Variants in KIF17 observed in about 807,000 individuals in gnomAD.
KIF17 encodes kinesin family member 17, also known as kinesin-like protein KIF17.
A neutral mutation model predicts 96.8 loss-of-function variants in KIF17; 80 were observed. The observed-to-expected ratio is 0.83, with a 90% CI of 0.69 to 1.00. The LOEUF is 1.00. Ranked by LOEUF, KIF17 falls within the 50% of genes least tolerant of loss-of-function variation. KIF17 has a pLI of 0.00. For missense variants in KIF17, 1,280 were observed against 1,372.9 expected (o/e 0.93, Z 1.07); for synonymous variants, 567 against 587.5 (o/e 0.97, Z 0.51).
intron 2 of KIF17, 100 bp downstream of exon 2, chr1:20,715,393 G>A: frequency 6.7e-7 from 1 of 1,497,428 alleles, no homozygotes; most frequent in Non-Finnish European, 9.2e-7. Flanking sequence ...CACGGGTCAG[G>A]CCGGGCTCCA....
intron 6 of KIF17, among the ~76,000 whole-genome samples, chr1:20,697,250 C>A (rs1158251458): frequency 6.6e-6 from 1 of 152,186 alleles, no homozygotes; most frequent in Non-Finnish European, 1.5e-5. Context: ...ACATCCAGGC[C>A]TAGCCCCGGG....
chr1:20,697,753 T>TG (rs934041776), intron 6 of KIF17, among the ~76,000 whole-genome samples: 7 of 151,676 alleles, frequency 4.6e-5, no homozygotes, highest in African/African-American at 1.7e-4. Context: ...AAGGCAGGAG[T>TG]GGGGGGGCCC....
rs772168049 is a variant in KIF17 at position 20,704,813 on chromosome 1, T to C, written c.757A>G (p.Thr253Ala). ...GTGGCCTCCTTGAGCCGCTCGCCCG[T>C]GGCCCCGGTCTTGGACTGCCGCTCG... is the stretch of plus-strand genomic sequence containing the variant. ...GSERQSKTGA[T>A]GERLKEATKI... The change falls in exon 5 of 15, where the codon ACG becomes GCG. Residue 253 changes from threonine (T) to alanine (A), a missense_variant. By Grantham distance (58) the Thr-to-Ala change is moderately conservative. Coordinates refer to ENST00000400463, the MANE Select transcript of KIF17 (RefSeq NM_001122819.3). This position sits in a 1 kb window ranked among gnomAD's most constrained non-coding sequence, Gnocchi z 6.8. 1 of 1,607,892 alleles carries C rather than the reference T, an allele frequency of 6.2e-7. No individual in the cohort carries two copies. Among genetic ancestry groups the C allele is most frequent in the Non-Finnish European group, 8.5e-7 (1 of 1,179,820 alleles).
At chr1:20,676,073 C>T (rs1020006497) in intron 11 of KIF17, among the ~76,000 whole-genome samples, 3 of 152,052 alleles carry the variant, frequency 2.0e-5, no homozygotes, top group African/African-American at 7.2e-5. Context: ...CGAAGCAGCT[C>T]CTCACACATG....
intron 4 of KIF17, among the ~76,000 whole-genome samples, chr1:20,706,888 C>CAAAA (rs113547608): frequency 2.1e-5 from 3 of 144,786 alleles, no homozygotes; most frequent in African/African-American, 7.7e-5. Flanking sequence ...AATCCTGTCT[C>CAAAA]AAAAAAAAAA....
chr1:20,712,997 A>G (rs1341112431), intron 3 of KIF17, among the ~76,000 whole-genome samples: 2 of 139,852 alleles, frequency 1.4e-5, no homozygotes, highest in Non-Finnish European at 3.0e-5. Context: ...TATATATAAT[A>G]TAGATATATA....
intron 5 of KIF17, among the ~76,000 whole-genome samples, chr1:20,701,791 A>C (rs562528994): frequency 4.0e-4 from 61 of 152,324 alleles, no homozygotes; most frequent in African/African-American, 1.5e-3. Context: ...ACAGGAGGCC[A>C]TCGGTGACAA....
chr1:20,686,140 G>A lies in KIF17; in HGVS notation c.1939-14C>T. The A allele has an allele frequency of 1.3e-6, 2 of 1,559,214 alleles. No homozygotes were observed. The highest frequency in any genetic ancestry group is 1.7e-6 in the Non-Finnish European group (2 of 1,150,634). ...CGGCGCAGGGACCTGGGAGGAAAGAGGGGATGGAGGAGAAAGAAGGCTGAT... is the reference window on the plus strand; with the variant it reads ...CGGCGCAGGGACCTGGGAGGAAAGAAGGGATGGAGGAGAAAGAAGGCTGAT... On this transcript the variant is annotated splice_polypyrimidine_tract_variant and intron_variant, in intron 8 of 14. Coordinates refer to ENST00000400463, the MANE Select transcript of KIF17 (RefSeq NM_001122819.3).
intron 7 of KIF17, among the ~76,000 whole-genome samples, chr1:20,689,160 T>C (rs1247569844): frequency 6.6e-6 from 1 of 151,638 alleles, no homozygotes; most frequent in Non-Finnish European, 1.5e-5. Flanking sequence ...AGTGAGGAGG[T>C]GCAGGTAAAG....
chr1:20,671,389 G>A (rs1455191059), intron 12 of KIF17, among the ~76,000 whole-genome samples: 1 of 152,144 alleles, frequency 6.6e-6, no homozygotes, highest in Non-Finnish European at 1.5e-5. Flanking sequence ...GGAGTGCAGT[G>A]GCACGATCTT....
chr1:20,681,324 G>C (rs2053827017), intron 11 of KIF17, among the ~76,000 whole-genome samples: 1 of 151,250 alleles, frequency 6.6e-6, no homozygotes, highest in Non-Finnish European at 1.5e-5. Flanking sequence ...TGAGTAGCTG[G>C]GATTACAGCA....
chr1:20,666,425 G>A (rs985711583), intron 13 of KIF17, 94 bp from the exon 14 acceptor site: 37 of 1,031,944 alleles, frequency 3.6e-5, no homozygotes, highest in Non-Finnish European at 5.0e-5. Context: ...AGTGGGGGCC[G>A]CCCCGAGCTT....
intron 6 of KIF17, among the ~76,000 whole-genome samples, chr1:20,690,996 TA>T (rs2054030549): frequency 6.6e-6 from 1 of 151,742 alleles, no homozygotes; most frequent in African/African-American, 2.4e-5. Flanking sequence ...CACCATCAGC[TA>T]ATTTTTTAAA....
Position 20,664,076 on chromosome 1 carries a change from A to T in KIF17, c.*508T>A. ...AGTGGCCTTCCTTGGGCCACAGACC[A>T]GCCAGGGGTGGGCAGTGCAGGAAGA... On this transcript the variant is annotated 3_prime_UTR_variant, in exon 15 of 15. Transcript: ENST00000400463. The T allele has an allele frequency of 4.9e-6, 1 of 203,680 alleles. No individual in the cohort carries two copies. Among genetic ancestry groups the T allele is most frequent in the Non-Finnish European group, 1.0e-5 (1 of 97,958 alleles). The allele number at this position is 203,680 out of a possible 1,614,324, so 12.6% of individuals were successfully genotyped here.
chr1:20,665,353 A>G (rs142799484), intron 14 of KIF17, among the ~76,000 whole-genome samples: 1,465 of 144,942 alleles, frequency 0.01, 20 homozygotes, highest in African/African-American at 0.034. Context: ...TCAGCCTCCC[A>G]AGTAGCTGTA....
intron 6 of KIF17, among the ~76,000 whole-genome samples, chr1:20,697,091 G>A (rs1044099890): frequency 6.6e-6 from 1 of 151,582 alleles, no homozygotes; most frequent in Non-Finnish European, 1.5e-5. Flanking sequence ...CCACGCCTCC[G>A]GCCCACAGGA....
intron 5 of KIF17, among the ~76,000 whole-genome samples, chr1:20,701,584 G>C (rs1381868175): frequency 6.6e-6 from 1 of 152,190 alleles, no homozygotes; most frequent in Non-Finnish European, 1.5e-5. Context: ...GCCTGGGACA[G>C]CCCAGGGTTA....
At position 20,703,180 on chromosome 1, in the gene KIF17, T is replaced by TGGATGGATGGATGGATGGATGGAC. The variant is rs1553151992; in HGVS notation, c.1123+1266_1123+1267insGTCCATCCATCCATCCATCCATCC. Among the ~76,000 whole-genome samples the TGGATGGATGGATGGATGGATGGAC allele has an allele frequency of 3.3e-5, 5 of 149,992 alleles. No individual in the cohort carries two copies. The South Asian group carries it at 8.4e-4, about 25-fold the overall frequency. On this transcript the variant is annotated intron_variant, in intron 5 of 14. Transcript: ENST00000400463. The stretch of plus-strand genomic sequence containing the variant: ...GGAAGGATGGAGATGGATGGATGAA[T>TGGATGGATGGATGGATGGATGGAC]GGATGGACGGATGGATGGGAGATGG...
At chr1:20,693,759 T>C (rs186349500) in intron 6 of KIF17, 116 of 152,378 alleles carry the variant, frequency 7.6e-4, no homozygotes, top group African/African-American at 2.6e-3. Flanking sequence ...GGATGAGGAC[T>C]CCTGGGAGAC....
Sources: allele counts gnomAD v4.1 joint callset (sites outside exome capture counted in the v4.1 genomes callset), GRCh38; gene constraint gnomAD v4.1.1; non-coding constraint Gnocchi (gnomAD v3.1); transcripts MANE v1.5; gene names NCBI Gene and HGNC (gene_info 2026-07-23, HGNC 2026-07-21).